SDHC: variants seen among roughly 807,000 people sequenced by gnomAD.
SDHC encodes succinate dehydrogenase complex subunit C, also known as succinate dehydrogenase cytochrome b560 subunit, mitochondrial.
SDHC carries 11 observed loss-of-function variants against 22.6 expected under a neutral mutation model. That is an observed-to-expected ratio of 0.49 (90% CI 0.31 to 0.81). SDHC has a LOEUF of 0.81. Among genes scored for constraint, SDHC ranks in the 30% least tolerant of loss-of-function variants. The pLI, the probability that SDHC is intolerant of heterozygous loss-of-function variation, is 0.05. For synonymous variants in SDHC, 80 were observed against 77.8 expected, an observed-to-expected ratio of 1.03 and a Z score of -0.15; for missense variants, 160 against 212.0, an observed-to-expected ratio of 0.75 and a Z score of 1.52.
chr1:161,351,273 T>G (rs1016744833), intron 4 of SDHC, among the ~76,000 whole-genome samples: 2 of 152,192 alleles, frequency 1.3e-5, no homozygotes, highest in Non-Finnish European at 2.9e-5. Flanking sequence ...TTCTATACTT[T>G]AGTCTCTTGT....
intron 3 of SDHC, among the ~76,000 whole-genome samples, chr1:161,335,802 A>G (rs1671459471): frequency 6.6e-6 from 1 of 152,078 alleles, no homozygotes; most frequent in Non-Finnish European, 1.5e-5. Flanking sequence ...AAGTATATAC[A>G]TACATCATAC....
Position 161,347,286 on chromosome 1 carries a change from G to A in SDHC, c.241+6631G>A, listed in dbSNP as rs546582806. Among the ~76,000 whole-genome samples, 92 of 152,072 alleles carry A rather than the reference G, an allele frequency of 6.0e-4. 1 individual carries two copies. The South Asian group carries it at 9.8e-3, about 16-fold the overall frequency. On this transcript the variant is annotated intron_variant, in intron 4 of 5. Transcript: ENST00000367975. ...TCCTTTTTTTTTGAGATGGAGTCTC[G>A]CTCTGTCGGCCAGGCTGGAGTGCAG... is the stretch of plus-strand genomic sequence containing the variant.
chr1:161,341,306 A>G (rs1182137513), intron 4 of SDHC, among the ~76,000 whole-genome samples: 1 of 152,216 alleles, frequency 6.6e-6, no homozygotes, highest in African/African-American at 2.4e-5. Flanking sequence ...TTTAGCACCC[A>G]TTCTTATCAC....
chr1:161,344,943 C>T (rs961100911), intron 4 of SDHC, among the ~76,000 whole-genome samples: 1 of 152,178 alleles, frequency 6.6e-6, no homozygotes, highest in African/African-American at 2.4e-5. Flanking sequence ...GTGGTCTTTG[C>T]ATTCTTGTGG....
rs182690245 is a variant in SDHC at position 161,323,797 on chromosome 1, G to A, written c.77+127G>A. ...TGCAAGCGCCGCCTCTTGGGTTCAC[G>A]CCATTCTCCTGCCTCAGCCTCCTGA... On this transcript the variant is annotated intron_variant, in intron 2 of 5. Transcript: ENST00000367975. 2,606 of 619,784 alleles carry A rather than the reference G, an allele frequency of 4.2e-3. 56 individuals carry two copies. The highest frequency in any genetic ancestry group is 0.041 in the African/African-American group (2,141 of 51,950). The allele number at this position is 619,784 out of a possible 1,614,324, so 38.4% of individuals were successfully genotyped here. A position where few individuals can be genotyped will look rare whatever the true frequency, so the allele number is the denominator to read the frequency against.
At chr1:161,326,233 T>C (rs1671041091) in intron 2 of SDHC, among the ~76,000 whole-genome samples, 1 of 151,634 alleles carries the variant, frequency 6.6e-6, no homozygotes, top group Admixed American at 6.6e-5. Flanking sequence ...AGTTATCGTC[T>C]GATATGACCT....
In SDHC at chr1:161,362,500, T is replaced by G; in HGVS notation, c.*67T>G. 1 of 1,611,154 alleles carries G rather than the reference T, an allele frequency of 6.2e-7. No individual in the cohort carries two copies. Among genetic ancestry groups the G allele is most frequent in the Non-Finnish European group, 8.5e-7 (1 of 1,179,186 alleles). On this transcript the variant is annotated 3_prime_UTR_variant, in exon 6 of 6. Transcript: ENST00000367975. The stretch of plus-strand genomic sequence containing the variant: ...ATTCACCCATCTTTCTGTTTGTCAT[T>G]CTTATCTCCAGCCTGGGAAAAGTTC...
In SDHC at chr1:161,328,487, A is replaced by G. The variant is rs1671156435; in HGVS notation, c.169A>G (p.Thr57Ala). ...AAACCGTCCTCTGTCTCCCCACATT[A>G]CTATCTACAGGTAAGGAAGGATTCT... is the stretch of plus-strand genomic sequence containing the variant. ...GSNRPLSPHI[T>A]IYSWSLPMAM... Residue 57 changes from threonine (T) to alanine (A), a missense_variant, in exon 3 of 6, where the codon ACT (threonine) becomes GCT (alanine). Physicochemically the swap from Thr to Ala is moderately conservative, Grantham distance 58. Around this residue, in one of 2 missense-constraint regions of SDHC, gnomAD observed 86 missense variants for 83.4 expected, o/e 1.03. Transcript: ENST00000367975. 6.2e-7 allele frequency: 1 copy of G among 1,602,470 alleles called. No individual in the cohort carries two copies. The highest frequency in any genetic ancestry group is 1.1e-5 in the South Asian group (1 of 90,854).
At chr1:161,330,517 C>T (rs1386945005) in intron 3 of SDHC, among the ~76,000 whole-genome samples, 2 of 152,182 alleles carry the variant, frequency 1.3e-5, no homozygotes, top group African/African-American at 4.8e-5. Context: ...ATTGGCTTTG[C>T]CCTCTGGGCT....
chr1:161,315,138 CCT>C (rs781104196), intron 1 of SDHC, among the ~76,000 whole-genome samples: 19 of 152,344 alleles, frequency 1.2e-4, no homozygotes, highest in Admixed American at 2.6e-4. Context: ...CTCTGCTCAG[CCT>C]CTCTAGTCAC....
At chr1:161,317,312 G>A (rs1258580313) in intron 1 of SDHC, among the ~76,000 whole-genome samples, 2 of 151,900 alleles carry the variant, frequency 1.3e-5, no homozygotes, top group African/African-American at 4.8e-5. Context: ...ACAGGCATGA[G>A]CCACAACGCT....
At chr1:161,331,657 G>A (rs1000807470) in intron 3 of SDHC, among the ~76,000 whole-genome samples, 6 of 150,070 alleles carry the variant, frequency 4.0e-5, no homozygotes, top group Middle Eastern at 3.4e-3. Context: ...ATGCAGTGGC[G>A]CAGTCCCGGC....
chr1:161,336,955 G>A (rs1048159999), intron 3 of SDHC, among the ~76,000 whole-genome samples: 3 of 151,612 alleles, frequency 2.0e-5, no homozygotes, highest in South Asian at 2.1e-4. Flanking sequence ...CTGCAACCTC[G>A]ACCTCCCGGG....
chr1:161,337,504 T>C (rs1199004737), intron 3 of SDHC, among the ~76,000 whole-genome samples: 1 of 152,212 alleles, frequency 6.6e-6, no homozygotes, highest in Non-Finnish European at 1.5e-5. Context: ...CCGTCGGTCA[T>C]CAAGTCCTGC....
At chr1:161,336,746 G>T (rs74127635) in intron 3 of SDHC, among the ~76,000 whole-genome samples, 17,793 of 152,006 alleles carry the variant, frequency 0.12, 1,403 homozygotes, top group African/African-American at 0.22. Context: ...CCCATTTTTT[G>T]GGTTTTTTGA....
chr1:161,352,584 C>T (rs1398356045), intron 4 of SDHC, among the ~76,000 whole-genome samples: 8 of 152,136 alleles, frequency 5.3e-5, no homozygotes, highest in Non-Finnish European at 1.0e-4. Flanking sequence ...AAGGACTCAA[C>T]CCATCAGAAA....
intron 4 of SDHC, 132 bp from the exon 5 acceptor site, chr1:161,356,545 A>G: frequency 2.0e-6 from 2 of 1,012,016 alleles, no homozygotes; most frequent in Non-Finnish European, 3.1e-6. Flanking sequence ...TCTCAAGAAA[A>G]AAAGAAAACA....
At chr1:161,360,781 A>T (rs1558184962) in intron 5 of SDHC, among the ~76,000 whole-genome samples, 1 of 151,984 alleles carries the variant, frequency 6.6e-6, no homozygotes, top group Non-Finnish European at 1.5e-5. Flanking sequence ...ATTTAGTGGC[A>T]TGCTACCAAC....
At chr1:161,344,644 T>C (rs1671833398) in intron 4 of SDHC, among the ~76,000 whole-genome samples, 1 of 152,086 alleles carries the variant, frequency 6.6e-6, no homozygotes, top group Non-Finnish European at 1.5e-5. Context: ...TGAAGGTCCC[T>C]CCATCAAAAT....
Sources: allele counts gnomAD v4.1 joint callset (sites outside exome capture counted in the v4.1 genomes callset), GRCh38; gene constraint gnomAD v4.1.1; regional missense constraint gnomAD v4.1.1; transcripts MANE v1.5; gene names NCBI Gene and HGNC (gene_info 2026-07-23, HGNC 2026-07-21).